Variants in PTPRG observed in about 807,000 individuals in gnomAD.
The protein encoded by PTPRG is receptor-type tyrosine-protein phosphatase gamma.
In PTPRG, 102 loss-of-function variants were observed where a neutral mutation model predicts 165.3. The ratio of observed to expected loss-of-function variants is 0.62; its 90% CI spans 0.53 to 0.73. The LOEUF (loss-of-function observed/expected upper bound fraction) is 0.73, where lower values mean the gene tolerates loss of function less well. PTPRG is among the 30% of genes least tolerant of loss of function. The pLI, the probability that PTPRG is intolerant of heterozygous loss-of-function variation, is 0.00. For missense variants in PTPRG, 1,866 were observed against 1,861.4 expected, an observed-to-expected ratio of 1.00 and a Z score of -0.05; for synonymous variants, 675 against 669.5, an observed-to-expected ratio of 1.01 and a Z score of -0.13.
rs1371548669 is a variant in PTPRG at position 62,237,258 on chromosome 3, C to T, written c.2375+5947C>T. ...TCTGGGTATTCTTCCTTAAGAATTCCTGGGTGGAAATGGGGGGTCAGAAGT... is the reference window on the plus strand; with the variant it reads ...TCTGGGTATTCTTCCTTAAGAATTCTTGGGTGGAAATGGGGGGTCAGAAGT... On this transcript the variant is annotated intron_variant, in intron 14 of 29. Coordinates refer to ENST00000474889, the MANE Select transcript of PTPRG (RefSeq NM_002841.4). The surrounding 1 kb of genome is among the most constrained non-coding windows in gnomAD (Gnocchi z 4.5). Among the ~76,000 whole-genome samples, 46 of 152,066 alleles carry T rather than the reference C, an allele frequency of 3.0e-4. 1 individual carries two copies. The highest frequency in any genetic ancestry group is 2.9e-5 in the Non-Finnish European group (2 of 68,020).
At chr3:61,929,041 C>T (rs1158836396) in intron 2 of PTPRG, among the ~76,000 whole-genome samples, 1 of 152,158 alleles carries the variant, frequency 6.6e-6, no homozygotes, top group East Asian at 1.9e-4. Flanking sequence ...ACAACCCCCA[C>T]AGCAAAGGAG....
chr3:61,668,626 T>C (rs576861783), intron 1 of PTPRG, among the ~76,000 whole-genome samples: 1 of 152,294 alleles, frequency 6.6e-6, no homozygotes, highest in African/African-American at 2.4e-5. Flanking sequence ...TTACAAAAAG[T>C]ATTAGAGGAA....
At chr3:61,889,556 C>T (rs905399522) in intron 2 of PTPRG, among the ~76,000 whole-genome samples, 5 of 152,120 alleles carry the variant, frequency 3.3e-5, no homozygotes, top group Non-Finnish European at 5.9e-5. Flanking sequence ...GTGTTATCTC[C>T]GTTAGTATTT....
chr3:61,816,772 T>G lies in PTPRG; in HGVS notation c.190+67790T>G, dbSNP rs1447755725. Among the ~76,000 whole-genome samples, 16 of 151,578 alleles carry G rather than the reference T, an allele frequency of 1.1e-4. No homozygotes were observed. The Admixed American group carries it at 1.1e-3, about 10-fold the overall frequency. ...TGATGAAAGTTTGGTTGAGTATGAT[T>G]GTGAAGGAGATAATAGAGAAGTGAC... On this transcript the variant is annotated intron_variant, in intron 2 of 29. Coordinates refer to ENST00000474889, the MANE Select transcript of PTPRG (RefSeq NM_002841.4).
intron 2 of PTPRG, among the ~76,000 whole-genome samples, chr3:61,979,248 C>T (rs990014248): frequency 1.2e-4 from 18 of 152,128 alleles, no homozygotes; most frequent in South Asian, 2.1e-4. Context: ...TGCACAGCAC[C>T]GTTACTGATA....
intron 1 of PTPRG, among the ~76,000 whole-genome samples, chr3:61,577,682 T>C (rs2106788797): frequency 6.6e-6 from 1 of 152,302 alleles, no homozygotes; most frequent in East Asian, 1.9e-4. Flanking sequence ...GTAGCTCGCA[T>C]TGTATTTTTA....
intron 2 of PTPRG, among the ~76,000 whole-genome samples, chr3:61,823,283 C>T (rs1027850373): frequency 1.1e-4 from 17 of 152,142 alleles, no homozygotes; most frequent in East Asian, 1.9e-4. Flanking sequence ...CTCTACCTCC[C>T]GGGTTCAAGG....
At chr3:61,927,559 C>T (rs1041979189) in intron 2 of PTPRG, among the ~76,000 whole-genome samples, 6 of 152,140 alleles carry the variant, frequency 3.9e-5, no homozygotes, top group South Asian at 2.1e-4. Flanking sequence ...CCCATTTATG[C>T]GGACTTGCTG....
chr3:62,027,462 C>G (rs1224729770), intron 4 of PTPRG, among the ~76,000 whole-genome samples: 1 of 152,152 alleles, frequency 6.6e-6, no homozygotes, highest in Non-Finnish European at 1.5e-5. Context: ...CAGCATAAAT[C>G]AGCTCCTCAC....
chr3:61,829,027 C>T (rs2036193075), intron 2 of PTPRG, among the ~76,000 whole-genome samples: 1 of 152,090 alleles, frequency 6.6e-6, no homozygotes, highest in African/African-American at 2.4e-5. Flanking sequence ...GATATATATC[C>T]TTAGCACGTG....
chr3:62,076,355 A>G (rs551052841), intron 4 of PTPRG, among the ~76,000 whole-genome samples: 5 of 152,254 alleles, frequency 3.3e-5, no homozygotes, highest in East Asian at 3.9e-4. Flanking sequence ...AGGTCTAACC[A>G]TGGTGCTTCA....
chr3:61,853,584 T>G (rs549383475), intron 2 of PTPRG, among the ~76,000 whole-genome samples: 1 of 152,298 alleles, frequency 6.6e-6, no homozygotes, highest in South Asian at 2.1e-4. Flanking sequence ...GACTGCAATC[T>G]CATTTAGAAA....
chr3:61,773,459 G>T (rs1215258821), intron 2 of PTPRG, among the ~76,000 whole-genome samples: 1 of 152,146 alleles, frequency 6.6e-6, no homozygotes, highest in Admixed American at 6.5e-5. Flanking sequence ...CTGTGGATTT[G>T]GAAGATCGAT....
intron 4 of PTPRG, among the ~76,000 whole-genome samples, chr3:62,036,983 G>GCAAACA (rs1553707730): frequency 6.6e-6 from 1 of 150,456 alleles, no homozygotes; most frequent in Non-Finnish European, 1.5e-5. Context: ...GCGCGCGCAC[G>GCAAACA]CACACACACA....
chr3:62,033,810 C>T (rs1009084148), intron 4 of PTPRG, among the ~76,000 whole-genome samples: 4 of 152,134 alleles, frequency 2.6e-5, no homozygotes, highest in Non-Finnish European at 5.9e-5. Context: ...CTCTGTCCTC[C>T]GGGCTGGAGT....
intron 14 of PTPRG, among the ~76,000 whole-genome samples, chr3:62,231,853 T>C (rs1196578638): frequency 6.6e-6 from 1 of 151,870 alleles, no homozygotes; most frequent in African/African-American, 2.4e-5. Flanking sequence ...GAAATGCATA[T>C]GAGTTCTGGA....
At chr3:61,770,030 T>A (rs1258899125) in intron 2 of PTPRG, 1 of 152,192 alleles carries the variant, frequency 6.6e-6, no homozygotes, top group Non-Finnish European at 1.5e-5. Flanking sequence ...TTTGACCTGA[T>A]AAGCTTATTT....
Position 62,003,344 on chromosome 3 carries a change from C to T in PTPRG, c.371-5C>T. On this transcript the variant is annotated splice_polypyrimidine_tract_variant and splice_region_variant and intron_variant, in intron 3 of 29. Transcript: ENST00000474889. Reference sequence around the variant, plus strand: ...TTTTCCTCTCTTCTCATTTGTTTCACACAGTCGCCATCCTTCTGAAAGACG... The same window carrying T: ...TTTTCCTCTCTTCTCATTTGTTTCATACAGTCGCCATCCTTCTGAAAGACG... 3 of 1,610,696 alleles carry T rather than the reference C, an allele frequency of 1.9e-6. No individual in the cohort carries two copies. The South Asian group carries it at 3.3e-5, about 18-fold the overall frequency.
At chr3:61,851,631 G>A (rs1411635914) in intron 2 of PTPRG, among the ~76,000 whole-genome samples, 1 of 152,154 alleles carries the variant, frequency 6.6e-6, no homozygotes, top group African/African-American at 2.4e-5. Flanking sequence ...AATTAGATTA[G>A]GGTGAAGTAC....
Sources: gnomAD v4.1 joint callset for allele counts (sites outside exome capture counted in the v4.1 genomes callset) on GRCh38, gnomAD v4.1.1 for gene constraint, Gnocchi (gnomAD v3.1) non-coding constraint, MANE v1.5 for transcripts, NCBI Gene and HGNC (gene_info 2026-07-23, HGNC 2026-07-21) for gene names.